IQCH: variants seen among roughly 807,000 people sequenced by gnomAD.
IQCH encodes the protein IQ domain-containing protein H.
IQCH carries 98 observed loss-of-function variants against 117.0 expected under a neutral mutation model. That is an observed-to-expected ratio of 0.84 (90% CI 0.71 to 0.99). The LOEUF (loss-of-function observed/expected upper bound fraction) is 0.99. IQCH is among the 50% of genes least tolerant of loss of function. IQCH has a pLI of 0.00. For synonymous variants in IQCH, 412 were observed against 448.2 expected (o/e 0.92, Z 1.02); for missense variants, 1,102 against 1,243.8 (o/e 0.89, Z 1.72).
chr15:67,418,282 C>G (rs1035215105), intron 15 of IQCH, among the ~76,000 whole-genome samples: 3 of 152,050 alleles, frequency 2.0e-5, no homozygotes, highest in Admixed American at 2.0e-4. Flanking sequence ...ACTGGCTGGG[C>G]AGGGTGTATT....
chr15:67,450,257 A>G (rs900839479), intron 16 of IQCH, among the ~76,000 whole-genome samples: 14 of 152,094 alleles, frequency 9.2e-5, no homozygotes, highest in African/African-American at 2.9e-4. Flanking sequence ...TTCCAACACT[A>G]TGTTGAATAG....
chr15:67,307,150 ATGTGAGTTGC>A, intron 4 of IQCH: 1 of 1,051,732 alleles, frequency 9.5e-7, no homozygotes, highest in Non-Finnish European at 1.2e-6. Context: ...TTTTGGCAAG[ATGTGAGTTGC>A]TGTAGAATTA....
Position 67,326,828 on chromosome 15 carries a change from G to A in IQCH, c.388-10147G>A, listed in dbSNP as rs1270389116. Among the ~76,000 whole-genome samples, 6 of 152,142 alleles carry A rather than the reference G, an allele frequency of 3.9e-5. No individual in the cohort carries two copies. In the South Asian group the frequency reaches 1.0e-3, roughly 26 times the overall value. On this transcript the variant is annotated intron_variant, in intron 4 of 20. Coordinates refer to ENST00000335894, the MANE Select transcript of IQCH (RefSeq NM_001031715.3). ...TTTAATTAACCTAAATTGTTAATAT[G>A]CACTGAGTTTCACTACAATATTTTA...
intron 18 of IQCH, among the ~76,000 whole-genome samples, chr15:67,489,509 C>A (rs1567231610): frequency 9.4e-5 from 1 of 10,682 alleles, no homozygotes; most frequent in Non-Finnish European, 2.1e-4. Context: ...GTTGGCCAGG[C>A]TGGCCTCCTG....
chr15:67,269,762 C>G (rs1473287131), intron 3 of IQCH, among the ~76,000 whole-genome samples: 2 of 113,758 alleles, frequency 1.8e-5, no homozygotes, highest in African/African-American at 6.7e-5. Context: ...GTACTTATTT[C>G]ACTCAACATA....
chr15:67,307,843 T>C (rs1466139094), intron 4 of IQCH, among the ~76,000 whole-genome samples: 1 of 152,164 alleles, frequency 6.6e-6, no homozygotes, highest in African/African-American at 2.4e-5. Context: ...CCATCTCAGA[T>C]GACAAAGAGG....
chr15:67,266,384 C>T (rs892426093), intron 3 of IQCH, among the ~76,000 whole-genome samples: 3 of 152,000 alleles, frequency 2.0e-5, no homozygotes, highest in African/African-American at 7.3e-5. Context: ...CCGCTGGGTG[C>T]GGTGACTCAC....
In IQCH at chr15:67,416,941, T is replaced by C; in HGVS notation, c.2108T>C (p.Leu703Ser). Residue 703 changes from leucine (L) to serine (S), a missense_variant, in exon 15 of 21, where the codon TTG (leucine) becomes TCG (serine). Leu to Ser is a moderately radical substitution (Grantham distance 145). This residue lies in a region of IQCH where 650 missense variants were observed against 794.3 expected (regional missense o/e 0.82). Transcript: ENST00000335894. This position sits in a 1 kb window ranked among gnomAD's most constrained non-coding sequence, Gnocchi z 5.1. Reference protein sequence around the residue: ...WRKKWAQEPALVKISEELAGI... With the variant: ...WRKKWAQEPASVKISEELAGI... ...AATTTGTTTCTGCAGGAGCCAGCTT[T>C]GGTGAAGATCTCTGAGGAGCTGGCG... The C allele has an allele frequency of 1.3e-6, 2 of 1,596,656 alleles. No homozygotes were observed. Among genetic ancestry groups the C allele is most frequent in the Non-Finnish European group, 1.7e-6 (2 of 1,172,408 alleles).
rs1412375494 is a variant in IQCH, at chr15:67,476,994, C to T, written c.2799+1176C>T. Among the ~76,000 whole-genome samples, 5 of 151,198 alleles carry T rather than the reference C, an allele frequency of 3.3e-5. No individual in the cohort carries two copies. Among genetic ancestry groups the T allele is most frequent in the Non-Finnish European group, 1.5e-5 (1 of 67,884 alleles). ...AACTTATATTCTTTATACTTGAGACCAGTACAATTTTCAAGGATCAAATTT... is the reference window on the plus strand; with the variant it reads ...AACTTATATTCTTTATACTTGAGACTAGTACAATTTTCAAGGATCAAATTT... On this transcript the variant is annotated intron_variant, in intron 18 of 20. Coordinates refer to ENST00000335894, the MANE Select transcript of IQCH (RefSeq NM_001031715.3). This position sits in a 1 kb window ranked among gnomAD's most constrained non-coding sequence, Gnocchi z 4.1.
chr15:67,340,452 A>AAC (rs71142372), intron 5 of IQCH, among the ~76,000 whole-genome samples: 1,269 of 116,204 alleles, frequency 0.011, 92 homozygotes, highest in East Asian at 0.065. Flanking sequence ...AAAAAAAAAA[A>AAC]AAAAAAAAAA....
At chr15:67,327,813 C>T (rs1968479719) in intron 4 of IQCH, among the ~76,000 whole-genome samples, 1 of 152,204 alleles carries the variant, frequency 6.6e-6, no homozygotes, top group East Asian at 1.9e-4. Flanking sequence ...GCTCAGAGGT[C>T]AGCCAAGGAT....
chr15:67,291,667 T>C (rs1000049406), intron 4 of IQCH, among the ~76,000 whole-genome samples: 5 of 152,154 alleles, frequency 3.3e-5, no homozygotes, highest in African/African-American at 1.2e-4. Context: ...ATGGAAAATA[T>C]CAGAGCAGGC....
rs1279812589 is a variant in IQCH, at chr15:67,473,996, A to G, written c.2677-1700A>G. On this transcript the variant is annotated intron_variant, in intron 17 of 20. Coordinates refer to ENST00000335894, the MANE Select transcript of IQCH (RefSeq NM_001031715.3). The surrounding 1 kb of genome is among the most constrained non-coding windows in gnomAD (Gnocchi z 4.9). Reference sequence around the variant, plus strand: ...CCTTCGGACACAGGACTTGATGTAAATGTTGAAGAAAAACATGCTCCCCCC... The same window carrying G: ...CCTTCGGACACAGGACTTGATGTAAGTGTTGAAGAAAAACATGCTCCCCCC... Among the ~76,000 whole-genome samples the G allele has an allele frequency of 1.3e-5, 2 of 151,848 alleles. No homozygotes were observed. The highest frequency in any genetic ancestry group is 4.8e-5 in the African/African-American group (2 of 41,332).
chr15:67,309,559 G>T (rs1967482258), intron 4 of IQCH, among the ~76,000 whole-genome samples: 1 of 152,024 alleles, frequency 6.6e-6, no homozygotes, highest in Non-Finnish European at 1.5e-5. Flanking sequence ...GTGAAGTAAT[G>T]ATTTTGCTGG....
chr15:67,404,058 T>C lies in IQCH; in HGVS notation c.2097+3753T>C, dbSNP rs1435157168. On this transcript the variant is annotated intron_variant, in intron 14 of 20. Coordinates refer to ENST00000335894, the MANE Select transcript of IQCH (RefSeq NM_001031715.3). The surrounding 1 kb of genome is among the most constrained non-coding windows in gnomAD (Gnocchi z 4.6). Reference sequence around the variant, plus strand: ...GGCTCTTGAATGCTTCTAGTAAACATTGCTATTTTAGCCCTTTGCAAGAGC... The same window carrying C: ...GGCTCTTGAATGCTTCTAGTAAACACTGCTATTTTAGCCCTTTGCAAGAGC... 1.3e-5 allele frequency: 2 copies of C among 152,232 alleles called. No individual in the cohort carries two copies. Among genetic ancestry groups the C allele is most frequent in the African/African-American group, 2.4e-5 (1 of 41,470 alleles). 9.4% of individuals were successfully genotyped at this position (152,232 alleles called of 1,614,324 possible).
chr15:67,400,398 C>A, intron 14 of IQCH, 93 bp downstream of exon 14: 1 of 809,726 alleles, frequency 1.2e-6, no homozygotes, highest in Non-Finnish European at 2.0e-6. Context: ...GTACTTTCCT[C>A]TCTACTTAGC....
intron 12 of IQCH, 93 bp downstream of exon 12, chr15:67,389,099 G>T: frequency 1.1e-6 from 1 of 941,126 alleles, no homozygotes. Context: ...ACACATCAGT[G>T]AAATATTATT....
In IQCH at chr15:67,459,866, AG is replaced by A. The variant is rs2082747542; in HGVS notation, c.2506-5260del. The A allele has an allele frequency of 6.6e-6, 1 of 152,252 alleles. No homozygotes were observed. The highest frequency in any genetic ancestry group is 6.5e-5 in the Admixed American group (1 of 15,288). The allele number at this position is 152,252 out of a possible 1,614,324, so 9.4% of individuals were successfully genotyped here. A position where few individuals can be genotyped will look rare whatever the true frequency, so the allele number is the denominator to read the frequency against. ...AACCAATCCAATAGAAATAGAATTC[AG>A]CCAGGCATAGTAGCTCAGGTCTGCA... On this transcript the variant is annotated intron_variant, in intron 16 of 20. Transcript: ENST00000335894. This position sits in a 1 kb window ranked among gnomAD's most constrained non-coding sequence, Gnocchi z 4.2.
intron 17 of IQCH, among the ~76,000 whole-genome samples, chr15:67,469,217 TAC>T (rs1414183599): frequency 1.3e-5 from 2 of 151,760 alleles, no homozygotes; most frequent in African/African-American, 2.4e-5. Context: ...GAGTGAAGAG[TAC>T]TGGTCTGGGA....
Sources: allele counts gnomAD v4.1 joint callset (sites outside exome capture counted in the v4.1 genomes callset), GRCh38; gene constraint gnomAD v4.1.1; regional missense constraint gnomAD v4.1.1; non-coding constraint Gnocchi (gnomAD v3.1); transcripts MANE v1.5; gene names NCBI Gene and HGNC (gene_info 2026-07-23, HGNC 2026-07-21).